SLC25A29: variants seen among roughly 807,000 people sequenced by gnomAD.
SLC25A29 encodes solute carrier family 25 member 29, also known as mitochondrial basic amino acids transporter.
SLC25A29 carries 13 observed loss-of-function variants against 10.0 expected under a neutral mutation model. The observed-to-expected ratio is 1.30, with a 90% CI of 0.85 to 2.07. The LOEUF (loss-of-function observed/expected upper bound fraction) is 2.07, where lower values mean the gene tolerates loss of function less well. Among genes scored for constraint, SLC25A29 ranks in the 30% most tolerant of loss-of-function variants. SLC25A29 has a pLI of 0.00. For missense variants in SLC25A29, 475 were observed against 447.6 expected (o/e 1.06, Z -0.55); for synonymous variants, 244 against 221.1 (o/e 1.10, Z -0.92).
At chr14:100,280,050 C>T in the SLC25A29 span, 8 of 152,250 alleles carry the variant, frequency 5.3e-5, no homozygotes, top group African/African-American at 1.9e-4. Context: ...GAGTTAACTT[C>T]TGTAAGGAGT....
chr14:100,284,629 C>G, the SLC25A29 span, among the ~76,000 whole-genome samples: 8 of 152,228 alleles, frequency 5.3e-5, no homozygotes, highest in African/African-American at 1.7e-4. Flanking sequence ...CTCTCCACCT[C>G]CAGGGGCCCT....
chr14:100,289,835 CAAAAAAAAAA>C (rs56694140), downstream of SLC25A29, among the ~76,000 whole-genome samples: 1 of 96,566 alleles, frequency 1.0e-5, no homozygotes, highest in Non-Finnish European at 1.9e-5. Flanking sequence ...GAGCAAGACT[CAAAAAAAAAA>C]AAAAAAAAAA....
chr14:100,299,650 G>C, intron 1 of SLC25A29: 1 of 984,950 alleles, frequency 1.0e-6, no homozygotes, highest in Non-Finnish European at 1.2e-6. Flanking sequence ...CCTAAATGCT[G>C]TGCAGGTGGT....
At chr14:100,303,183 G>GA in intron 1 of SLC25A29, among the ~76,000 whole-genome samples, 1 of 152,342 alleles carries the variant, frequency 6.6e-6, no homozygotes, top group South Asian at 2.1e-4. Flanking sequence ...TTCTAAAGCT[G>GA]AAAATCCTCG....
chr14:100,282,659 A>G, the SLC25A29 span: 1 of 152,246 alleles, frequency 6.6e-6, no homozygotes, highest in South Asian at 2.1e-4. Flanking sequence ...GCAGAAATAT[A>G]GTATTTAAGG....
At chr14:100,300,653 C>T (rs1892479460) in intron 1 of SLC25A29, among the ~76,000 whole-genome samples, 1 of 152,186 alleles carries the variant, frequency 6.6e-6, no homozygotes, top group Non-Finnish European at 1.5e-5. Flanking sequence ...GCTGGGATTA[C>T]AGACATGAGC....
intron 2 of SLC25A29, 64 bp from the exon 3 acceptor site, chr14:100,293,441 G>T (rs1891923574): frequency 1.3e-6 from 2 of 1,504,076 alleles, no homozygotes; most frequent in Middle Eastern, 1.7e-4. Context: ...TCCCGGGTCT[G>T]GTGCTTAGGC....
Position 100,292,518 on chromosome 14 carries a change from G to C in SLC25A29, c.677C>G (p.Pro226Arg). The change falls in exon 4 of 4, where the codon CCG becomes CGG. Residue 226 changes from proline (P) to arginine (R), a missense_variant. Transcript: ENST00000359232. ...RLQADGLRGA[P>R]RYRGILDCVH... ...GCAGTCCAGGATGCCGCGGTAGCGCGGGGCGCCCCGCAGTCCGTCCGCCTG... is the reference window on the plus strand; with the variant it reads ...GCAGTCCAGGATGCCGCGGTAGCGCCGGGCGCCCCGCAGTCCGTCCGCCTG... 1 of 1,590,778 alleles carries C rather than the reference G, an allele frequency of 6.3e-7. No individual in the cohort carries two copies. The highest frequency in any genetic ancestry group is 8.5e-7 in the Non-Finnish European group (1 of 1,170,366).
intron 1 of SLC25A29, chr14:100,305,955 C>T (rs1470240491): frequency 5.0e-6 from 2 of 398,178 alleles, no homozygotes; most frequent in Non-Finnish European, 8.9e-6. Context: ...GGTGCTGCCC[C>T]GGCGCCCCAG....
At chr14:100,294,034 C>T (rs899667341) in intron 2 of SLC25A29, 1 of 152,292 alleles carries the variant, frequency 6.6e-6, no homozygotes, top group Non-Finnish European at 1.5e-5. Context: ...ATTGCTTGAA[C>T]CCGTGAGGCA....
At chr14:100,293,399 A>G in intron 2 of SLC25A29, 22 bp from the exon 3 acceptor site, 1 of 1,608,660 alleles carries the variant, frequency 6.2e-7, no homozygotes, top group Non-Finnish European at 8.5e-7. Flanking sequence ...GGGTCCAGTG[A>G]GAGGCAGGCA....
intron 2 of SLC25A29, chr14:100,296,293 G>A (rs1566801269): frequency 9.7e-6 from 3 of 309,262 alleles, no homozygotes; most frequent in East Asian, 1.7e-4. Context: ...GCTAGGCATG[G>A]TGGTGTGTGC....
intron 1 of SLC25A29, among the ~76,000 whole-genome samples, chr14:100,304,299 C>A (rs1046965365): frequency 6.6e-6 from 1 of 152,146 alleles, no homozygotes; most frequent in African/African-American, 2.4e-5. Context: ...GGGACACAGT[C>A]AGTTCACTGT....
chr14:100,295,500 G>A, intron 2 of SLC25A29: 5 of 1,115,244 alleles, frequency 4.5e-6, no homozygotes, highest in Non-Finnish European at 5.8e-6. Context: ...CCCAGGACCT[G>A]TGCTGAGCCC....
intron 1 of SLC25A29, among the ~76,000 whole-genome samples, chr14:100,304,489 G>C (rs377381893): frequency 1.3e-5 from 2 of 152,214 alleles, no homozygotes; most frequent in Admixed American, 6.5e-5. Flanking sequence ...TGTCCACCTG[G>C]GAGGCTCAGG....
At chr14:100,285,772 A>T in the SLC25A29 span, among the ~76,000 whole-genome samples, 1 of 152,058 alleles carries the variant, frequency 6.6e-6, no homozygotes, top group African/African-American at 2.4e-5. Context: ...GAGGGGCCAC[A>T]TACCAGGGGG....
At chr14:100,301,752 C>T (rs1892565431) in intron 1 of SLC25A29, among the ~76,000 whole-genome samples, 1 of 151,764 alleles carries the variant, frequency 6.6e-6, no homozygotes, top group Non-Finnish European at 1.5e-5. Context: ...CCTCGTGATC[C>T]ACCCGCCTCG....
In SLC25A29 at chr14:100,298,839, C is replaced by T; in HGVS notation, c.78+3G>A. The T allele has an allele frequency of 6.2e-7, 1 of 1,614,248 alleles. No individual in the cohort carries two copies. Reference sequence around the variant, plus strand: ...AGGAAAAAAAAGCAGCGATGAGACTCACCTTGACCGTGTCAAACGGGTGTC... The same window carrying T: ...AGGAAAAAAAAGCAGCGATGAGACTTACCTTGACCGTGTCAAACGGGTGTC... On this transcript the variant is annotated splice_donor_region_variant and intron_variant, in intron 2 of 3. Transcript: ENST00000359232.
downstream of SLC25A29, among the ~76,000 whole-genome samples, chr14:100,288,780 T>C (rs1238267370): frequency 1.3e-5 from 2 of 152,218 alleles, no homozygotes; most frequent in South Asian, 2.1e-4. Flanking sequence ...AAATATGCCA[T>C]GCAGCTGTCA....
Sources: allele counts gnomAD v4.1 joint callset (sites outside exome capture counted in the v4.1 genomes callset), GRCh38; gene constraint gnomAD v4.1.1; transcripts MANE v1.5; gene names NCBI Gene and HGNC (gene_info 2026-07-23, HGNC 2026-07-21).